RUNX2: variants seen among roughly 807,000 people sequenced by gnomAD.
RUNX2 encodes the protein RUNX family transcription factor 2.
Under a neutral mutation model 51.7 loss-of-function variants are expected in RUNX2, and 10 were observed. That is an observed-to-expected ratio of 0.19 (90% CI 0.12 to 0.33). RUNX2 has a LOEUF of 0.33. Ranked by LOEUF, RUNX2 falls within the 10% of genes least tolerant of loss-of-function variation. RUNX2 has a pLI of 1.00. For synonymous variants in RUNX2, 276 were observed against 273.6 expected (o/e 1.01, Z -0.09); for missense variants, 562 against 691.3 (o/e 0.81, Z 2.10).
chr6:45,340,762 A>G (rs2150131509), intron 2 of RUNX2, among the ~76,000 whole-genome samples: 1 of 152,198 alleles, frequency 6.6e-6, no homozygotes, highest in East Asian at 1.9e-4. Context: ...GTAAAAAATT[A>G]AACACTTAAA....
intron 2 of RUNX2, among the ~76,000 whole-genome samples, chr6:45,395,657 A>G (rs1797565409): frequency 6.6e-6 from 1 of 152,312 alleles, no homozygotes; most frequent in African/African-American, 2.4e-5. Context: ...TGAGTCATAC[A>G]CTATTTAACC....
At chr6:45,344,668 T>C (rs1325433146) in intron 2 of RUNX2, among the ~76,000 whole-genome samples, 1 of 152,136 alleles carries the variant, frequency 6.6e-6, no homozygotes, top group East Asian at 1.9e-4. Flanking sequence ...ATGTTAACTT[T>C]TTAGGTAAAG....
At chr6:45,427,648 A>C (rs570081382) in intron 3 of RUNX2, among the ~76,000 whole-genome samples, 4 of 152,194 alleles carry the variant, frequency 2.6e-5, no homozygotes, top group African/African-American at 4.8e-5. Context: ...TTATATTTCA[A>C]TTATACCGCA....
intron 2 of RUNX2, among the ~76,000 whole-genome samples, chr6:45,347,273 T>A (rs1276195882): frequency 6.6e-6 from 1 of 152,210 alleles, no homozygotes; most frequent in African/African-American, 2.4e-5. Flanking sequence ...TAAATTTCTT[T>A]AAAATGAATT....
intron 7 of RUNX2, among the ~76,000 whole-genome samples, chr6:45,529,805 G>A (rs1244693469): frequency 6.6e-6 from 1 of 152,144 alleles, no homozygotes; most frequent in African/African-American, 2.4e-5. Flanking sequence ...TTCTCCCCAT[G>A]AGCCAAGAGG....
intron 7 of RUNX2, among the ~76,000 whole-genome samples, chr6:45,540,496 C>T (rs891091814): frequency 4.6e-5 from 7 of 151,966 alleles, no homozygotes; most frequent in South Asian, 4.2e-4. Flanking sequence ...CTCGTGTTGC[C>T]GCTCAGATCT....
At chr6:45,409,749 T>TAA (rs1219322861) in intron 2 of RUNX2, among the ~76,000 whole-genome samples, 5 of 152,200 alleles carry the variant, frequency 3.3e-5, no homozygotes, top group Non-Finnish European at 5.9e-5. Flanking sequence ...GATAATTTAA[T>TAA]AGGTTTATTT....
At chr6:45,350,146 A>G (rs904003314) in intron 2 of RUNX2, among the ~76,000 whole-genome samples, 3 of 152,200 alleles carry the variant, frequency 2.0e-5, no homozygotes, top group Non-Finnish European at 4.4e-5. Context: ...AATAAAATTG[A>G]TATTTCTAAT....
intron 7 of RUNX2, among the ~76,000 whole-genome samples, chr6:45,531,464 C>T (rs1288859062): frequency 6.6e-6 from 1 of 151,916 alleles, no homozygotes; most frequent in Non-Finnish European, 1.5e-5. Flanking sequence ...ATCTTAAAAC[C>T]TCAAAATAGG....
intron 2 of RUNX2, among the ~76,000 whole-genome samples, chr6:45,331,890 A>C (rs182449976): frequency 6.6e-6 from 1 of 152,128 alleles, no homozygotes; most frequent in East Asian, 1.9e-4. Flanking sequence ...AGTCATGCTA[A>C]AGTTAAATTC....
chr6:45,406,695 T>A (rs1797842101), intron 2 of RUNX2, among the ~76,000 whole-genome samples: 2 of 152,184 alleles, frequency 1.3e-5, no homozygotes, highest in Non-Finnish European at 2.9e-5. Flanking sequence ...TACATTTAGT[T>A]TTATTGCATG....
chr6:45,353,738 G>A (rs988299486), intron 2 of RUNX2, among the ~76,000 whole-genome samples: 1 of 151,542 alleles, frequency 6.6e-6, no homozygotes. Flanking sequence ...GAAGCAATAA[G>A]ATATATAAGA....
intron 2 of RUNX2, among the ~76,000 whole-genome samples, chr6:45,360,263 C>G (rs1794024141): frequency 6.6e-6 from 1 of 152,098 alleles, no homozygotes; most frequent in African/African-American, 2.4e-5. Flanking sequence ...ATAGCATCTA[C>G]CCTCACAGAG....
chr6:45,427,845 T>G (rs2150365515), intron 3 of RUNX2, among the ~76,000 whole-genome samples: 1 of 152,282 alleles, frequency 6.6e-6, no homozygotes, highest in South Asian at 2.1e-4. Context: ...ATAAGGAGTC[T>G]CATACAAAAT....
At chr6:45,506,510 T>G (rs1273390935) in intron 6 of RUNX2, among the ~76,000 whole-genome samples, 1 of 152,186 alleles carries the variant, frequency 6.6e-6, no homozygotes, top group Non-Finnish European at 1.5e-5. Flanking sequence ...TCATATATCA[T>G]ATCCATATAA....
At chr6:45,492,761 C>T (rs1024645819) in intron 6 of RUNX2, among the ~76,000 whole-genome samples, 1 of 152,120 alleles carries the variant, frequency 6.6e-6, no homozygotes, top group Non-Finnish European at 1.5e-5. Flanking sequence ...ATTAAGACCC[C>T]CAACTCTTTT....
intron 2 of RUNX2, chr6:45,421,196 C>A (rs891795382): frequency 6.6e-6 from 1 of 152,088 alleles, no homozygotes; most frequent in Non-Finnish European, 1.5e-5. Context: ...TCATGGAAAA[C>A]GGCTGGTGCT....
intron 2 of RUNX2, among the ~76,000 whole-genome samples, chr6:45,331,456 T>G (rs1246005991): frequency 3.3e-5 from 5 of 151,952 alleles, no homozygotes; most frequent in South Asian, 4.1e-4. Context: ...GTGACAAAGT[T>G]TTATAGCTTC....
At chr6:45,382,389 G>A (rs1797260330) in intron 2 of RUNX2, among the ~76,000 whole-genome samples, 1 of 152,190 alleles carries the variant, frequency 6.6e-6, no homozygotes, top group Non-Finnish European at 1.5e-5. Flanking sequence ...ATACAGGAAG[G>A]GATGTGGAAG....
Sources: allele counts gnomAD v4.1 joint callset (sites outside exome capture counted in the v4.1 genomes callset), GRCh38; gene constraint gnomAD v4.1.1; transcripts MANE v1.5; gene names NCBI Gene and HGNC (gene_info 2026-07-23, HGNC 2026-07-21).